SLC4A4: variants seen among roughly 807,000 people sequenced by gnomAD.
The protein encoded by SLC4A4 is solute carrier family 4 member 4.
Under a neutral mutation model 111.5 loss-of-function variants are expected in SLC4A4, and 27 were observed. That is an observed-to-expected ratio of 0.24 (90% CI 0.18 to 0.33). The LOEUF (loss-of-function observed/expected upper bound fraction) is 0.33, where lower values mean the gene tolerates loss of function less well. Ranked by LOEUF, SLC4A4 falls within the 10% of genes least tolerant of loss-of-function variation. SLC4A4 has a pLI of 1.00. For missense variants in SLC4A4, 909 were observed against 1,315.5 expected (o/e 0.69, Z 4.78); for synonymous variants, 443 against 463.4 (o/e 0.96, Z 0.57).
chr4:71,542,991 T>C (rs1184734532), intron 18 of SLC4A4, among the ~76,000 whole-genome samples: 1 of 152,130 alleles, frequency 6.6e-6, no homozygotes, highest in African/African-American at 2.4e-5. Context: ...ACATACATGG[T>C]TCCTGTCCTC....
Position 71,554,988 on chromosome 4 carries a change from T to C in SLC4A4, c.2695-152T>C, listed in dbSNP as rs1736347767. On this transcript the variant is annotated intron_variant, in intron 20 of 25. Transcript: ENST00000264485. The stretch of plus-strand genomic sequence containing the variant: ...CTATTACAAAGAGTTTAGAAGTTCA[T>C]CAATTGACTAGTAAAGCATACTAGT... 6 of 647,228 alleles carry C rather than the reference T, an allele frequency of 9.3e-6. No individual in the cohort carries two copies. The Admixed American group carries it at 1.5e-4, about 16-fold the overall frequency. The allele number at this position is 647,228 out of a possible 1,614,324, so 40.1% of individuals were successfully genotyped here. A position where few individuals can be genotyped will look rare whatever the true frequency, so the allele number is the denominator to read the frequency against.
chr4:71,068,845 G>A (rs1741599193), intron 1 of SLC4A4, among the ~76,000 whole-genome samples: 1 of 152,206 alleles, frequency 6.6e-6, no homozygotes, highest in African/African-American at 2.4e-5. Flanking sequence ...GGGATTACAG[G>A]TGTGTGCCAT....
At chr4:71,186,950 C>G (rs1399957868), upstream of SLC4A4, 8 of 152,480 alleles carry the variant, frequency 5.2e-5, no homozygotes, top group East Asian at 5.8e-4. Context: ...CACACTCGCT[C>G]GCCGCGCACC....
chr4:71,238,982 G>A (rs1490793519), intron 2 of SLC4A4, among the ~76,000 whole-genome samples: 2 of 152,094 alleles, frequency 1.3e-5, no homozygotes, highest in Admixed American at 1.3e-4. Context: ...TGAGGGGAAT[G>A]TTTTTTCCCA....
intron 3 of SLC4A4, among the ~76,000 whole-genome samples, chr4:71,317,607 C>T (rs1187003096): frequency 1.3e-5 from 2 of 152,064 alleles, no homozygotes; most frequent in Non-Finnish European, 2.9e-5. Flanking sequence ...TAACATGCCT[C>T]ATTTTCAAAG....
intron 1 of SLC4A4, among the ~76,000 whole-genome samples, chr4:71,078,441 G>A (rs534356407): frequency 2.0e-5 from 3 of 152,238 alleles, no homozygotes; most frequent in African/African-American, 2.4e-5. Context: ...AGTTTGTTCT[G>A]AGAAGAGAAT....
chr4:71,408,507 A>G (rs937671818), intron 7 of SLC4A4, among the ~76,000 whole-genome samples: 5 of 152,144 alleles, frequency 3.3e-5, no homozygotes, highest in Non-Finnish European at 7.3e-5. Flanking sequence ...TTTAGGTATC[A>G]TTCCTTATCT....
intron 5 of SLC4A4, among the ~76,000 whole-genome samples, chr4:71,353,398 A>G (rs1730018104): frequency 6.6e-6 from 1 of 152,214 alleles, no homozygotes; most frequent in Non-Finnish European, 1.5e-5. Flanking sequence ...ATCATAAGTA[A>G]AACAAAGAGG....
At chr4:71,438,447 G>A (rs1369317496) in intron 7 of SLC4A4, among the ~76,000 whole-genome samples, 1 of 152,174 alleles carries the variant, frequency 6.6e-6, no homozygotes, top group Non-Finnish European at 1.5e-5. Flanking sequence ...AAGTCAGGGT[G>A]AAAAGTCTAG....
intron 3 of SLC4A4, among the ~76,000 whole-genome samples, chr4:71,286,909 G>C (rs1460003792): frequency 6.6e-6 from 1 of 151,870 alleles, no homozygotes; most frequent in Non-Finnish European, 1.5e-5. Context: ...ATTATTTTTA[G>C]AATTATTATG....
At chr4:71,453,384 A>G in intron 11 of SLC4A4, 111 bp from the exon 12 acceptor site, 1 of 1,082,914 alleles carries the variant, frequency 9.2e-7, no homozygotes, top group South Asian at 1.3e-5. Flanking sequence ...GTATCTTGTC[A>G]CTGATTCAAG....
chr4:71,174,436 C>G (rs1745028243), intron 2 of SLC4A4, among the ~76,000 whole-genome samples: 1 of 151,914 alleles, frequency 6.6e-6, no homozygotes, highest in African/African-American at 2.4e-5. Context: ...TTAGTAGAGA[C>G]AAGGTTTCAG....
In SLC4A4 at chr4:71,376,154, TATACAC is replaced by T. The variant is rs914179293; in HGVS notation, c.730+18969_730+18974del. Among the ~76,000 whole-genome samples, 32 of 55,062 alleles carry T rather than the reference TATACAC, an allele frequency of 5.8e-4. No individual in the cohort carries two copies. In the East Asian group the frequency reaches 8.4e-3, roughly 14 times the overall value. 36.1% of individuals were successfully genotyped at this position (55,062 alleles called of 152,430 possible). A position where few individuals can be genotyped will look rare whatever the true frequency, so the allele number is the denominator to read the frequency against. Reference sequence around the variant, plus strand: ...ATACATACACATATATACCTGTATATATACACACACACACACACACACACACACACA... The same window carrying T: ...ATACATACACATATATACCTGTATATACACACACACACACACACACACACA... On this transcript the variant is annotated intron_variant, in intron 6 of 25. Coordinates refer to ENST00000264485, the MANE Select transcript of SLC4A4 (RefSeq NM_001098484.3).
At chr4:71,567,655 TACAC>T in intron 25 of SLC4A4, 129 bp from the exon 26 acceptor site, 1 of 500,936 alleles carries the variant, frequency 2.0e-6, no homozygotes, top group Non-Finnish European at 3.5e-6. Flanking sequence ...TTGTTTTTAA[TACAC>T]AAAGAGAATA....
chr4:71,182,513 A>C (rs930089167), upstream of SLC4A4, among the ~76,000 whole-genome samples: 1 of 152,142 alleles, frequency 6.6e-6, no homozygotes, highest in African/African-American at 2.4e-5. Context: ...CGGTTAGTCC[A>C]TAGGGAAACC....
intron 3 of SLC4A4, among the ~76,000 whole-genome samples, chr4:71,259,324 T>C (rs1721680521): frequency 6.6e-6 from 1 of 152,062 alleles, no homozygotes; most frequent in South Asian, 2.1e-4. Flanking sequence ...TTTTTACACA[T>C]TTGGAGCTCT....
At position 71,569,365 on chromosome 4, in the gene SLC4A4, G is replaced by T. The variant is rs545135492; in HGVS notation, c.*1614G>T. On this transcript the variant is annotated 3_prime_UTR_variant, in exon 26 of 26. Coordinates refer to ENST00000264485, the MANE Select transcript of SLC4A4 (RefSeq NM_001098484.3). The stretch of plus-strand genomic sequence containing the variant: ...CAGAGCTGCAGAGTACAGTGTAACA[G>T]TACTCTCATGCAATTTTTTTCAGGA... The T allele has an allele frequency of 6.6e-6, 1 of 151,766 alleles. No homozygotes were observed. Among genetic ancestry groups the T allele is most frequent in the African/African-American group, 2.4e-5 (1 of 41,462 alleles). 9.4% of individuals were successfully genotyped at this position (151,766 alleles called of 1,614,324 possible). A position where few individuals can be genotyped will look rare whatever the true frequency, so the allele number is the denominator to read the frequency against.
At chr4:71,556,080 A>G (rs1736457928) in intron 21 of SLC4A4, among the ~76,000 whole-genome samples, 1 of 151,978 alleles carries the variant, frequency 6.6e-6, no homozygotes, top group South Asian at 2.1e-4. Flanking sequence ...CCCCTTCAAA[A>G]TAGTCCTTGC....
chr4:71,501,066 A>G lies in SLC4A4; in HGVS notation c.2166+3374A>G, dbSNP rs192363119. On this transcript the variant is annotated intron_variant, in intron 16 of 25. Coordinates refer to ENST00000264485, the MANE Select transcript of SLC4A4 (RefSeq NM_001098484.3). The stretch of plus-strand genomic sequence containing the variant: ...TTGGTAGTATGGACTTTTTAATAAT[A>G]CCAATTCTTCAAATTCATGAATACA... Among the ~76,000 whole-genome samples the G allele has an allele frequency of 2.1e-3, 315 of 152,312 alleles. 5 individuals carry two copies. Among genetic ancestry groups the G allele is most frequent in the Non-Finnish European group, 3.2e-3 (219 of 68,022 alleles).
Sources: gnomAD v4.1 joint callset for allele counts (sites outside exome capture counted in the v4.1 genomes callset) on GRCh38, gnomAD v4.1.1 for gene constraint, MANE v1.5 for transcripts, NCBI Gene and HGNC (gene_info 2026-07-23, HGNC 2026-07-21) for gene names.